Variants in AHCYL2 observed in about 807,000 individuals in gnomAD.
The protein encoded by AHCYL2 is S-adenosylhomocysteine hydrolase-like protein 2.
AHCYL2 carries 28 observed loss-of-function variants against 81.4 expected under a neutral mutation model. That is an observed-to-expected ratio of 0.34 (90% CI 0.25 to 0.47). The LOEUF (loss-of-function observed/expected upper bound fraction) is 0.47, where lower values mean the gene tolerates loss of function less well. Among genes scored for constraint, AHCYL2 ranks in the 20% least tolerant of loss-of-function variants. AHCYL2 has a pLI of 1.00. For synonymous variants in AHCYL2, 272 were observed against 290.2 expected (o/e 0.94, Z 0.64); for missense variants, 551 against 785.1 (o/e 0.70, Z 3.56).
chr7:129,401,052 A>G (rs1267803930), intron 6 of AHCYL2, among the ~76,000 whole-genome samples: 2 of 152,210 alleles, frequency 1.3e-5, no homozygotes, highest in African/African-American at 4.8e-5. Flanking sequence ...ACAAAGGGCC[A>G]GGTGTGGTGG....
intron 13 of AHCYL2, among the ~76,000 whole-genome samples, chr7:129,423,680 G>T (rs187084732): frequency 3.3e-4 from 50 of 151,310 alleles, no homozygotes; most frequent in Middle Eastern, 3.4e-3. Context: ...TTTTCAGTTG[G>T]TTTTTTTTCT....
chr7:129,226,100 C>T (rs778838920), intron 1 of AHCYL2, among the ~76,000 whole-genome samples: 10 of 152,172 alleles, frequency 6.6e-5, no homozygotes, highest in Non-Finnish European at 1.2e-4. Context: ...TAGTTGGTCA[C>T]CAGGATTATT....
chr7:129,255,427 C>G (rs949303101), intron 1 of AHCYL2, among the ~76,000 whole-genome samples: 1 of 152,038 alleles, frequency 6.6e-6, no homozygotes, highest in Non-Finnish European at 1.5e-5. Context: ...TGTGTGTTGA[C>G]AGTATATCTG....
intron 1 of AHCYL2, among the ~76,000 whole-genome samples, chr7:129,265,015 T>G (rs1391191262): frequency 2.6e-5 from 4 of 152,232 alleles, no homozygotes; most frequent in Admixed American, 1.3e-4. Context: ...CTTGAGTAAG[T>G]TATATACATG....
chr7:129,374,176 G>A (rs1165480205), intron 1 of AHCYL2, among the ~76,000 whole-genome samples: 1 of 152,108 alleles, frequency 6.6e-6, no homozygotes, highest in Non-Finnish European at 1.5e-5. Flanking sequence ...GTACACCTAG[G>A]ACTAGGACCT....
intron 1 of AHCYL2, among the ~76,000 whole-genome samples, chr7:129,281,308 A>G (rs186309903): frequency 6.6e-6 from 1 of 152,196 alleles, no homozygotes; most frequent in Admixed American, 6.5e-5. Flanking sequence ...GAGAGTTATT[A>G]GTATGCAATT....
intron 1 of AHCYL2, among the ~76,000 whole-genome samples, chr7:129,290,385 C>T (rs1028809347): frequency 1.3e-5 from 2 of 151,634 alleles, no homozygotes; most frequent in African/African-American, 4.9e-5. Flanking sequence ...CCTTTAGTCC[C>T]AGCTACTCGG....
At position 129,389,120 on chromosome 7, in the gene AHCYL2, T is replaced by G. The variant is rs1285767046; in HGVS notation, c.540T>G (p.Ser180=). ...TSPRDKQQKN[S]KGSSDFCVKN... ...CCAGGGACAAGCAGCAAAAGAACTC[T>G]AAGGGAAGCAGTGACTTCTGTGTTA... is the stretch of plus-strand genomic sequence containing the variant. Residue 180 remains serine, a synonymous_variant, in exon 3 of 17, where the codon TCT becomes TCG. Transcript: ENST00000325006. The G allele has an allele frequency of 8.1e-6, 13 of 1,613,966 alleles. No individual in the cohort carries two copies. The highest frequency in any genetic ancestry group is 1.1e-5 in the Non-Finnish European group (13 of 1,179,930).
chr7:129,396,247 C>T (rs1215882607), intron 4 of AHCYL2, among the ~76,000 whole-genome samples: 1 of 152,098 alleles, frequency 6.6e-6, no homozygotes, highest in Non-Finnish European at 1.5e-5. Context: ...CTCAGCCTCC[C>T]GAGTAGCTGG....
At chr7:129,231,994 C>T (rs1794460839) in intron 1 of AHCYL2, among the ~76,000 whole-genome samples, 1 of 151,434 alleles carries the variant, frequency 6.6e-6, no homozygotes, top group South Asian at 2.1e-4. Context: ...GCACCTAGTT[C>T]TTAGCTTAGA....
chr7:129,427,371 G>GC lies in AHCYL2; in HGVS notation c.*327dup. 4.3e-6 allele frequency: 1 copy of GC among 232,674 alleles called. No homozygotes were observed. The highest frequency in any genetic ancestry group is 8.3e-6 in the Non-Finnish European group (1 of 120,498). The allele number at this position is 232,674 out of a possible 1,614,324, so 14.4% of individuals were successfully genotyped here. On this transcript the variant is annotated 3_prime_UTR_variant, in exon 17 of 17. Coordinates refer to ENST00000325006, the MANE Select transcript of AHCYL2 (RefSeq NM_015328.4). This position sits in a 1 kb window ranked among gnomAD's most constrained non-coding sequence, Gnocchi z 5.5. ...AGTGGCCGTTTTTCCTCTTGTCCAG[G>GC]CTCACGAGTTAGTCCAGGGATTCCA...
At chr7:129,300,640 C>T (rs1797227613) in intron 1 of AHCYL2, among the ~76,000 whole-genome samples, 1 of 152,152 alleles carries the variant, frequency 6.6e-6, no homozygotes. Flanking sequence ...ATACTGACTT[C>T]CTTTCTTTTG....
chr7:129,346,374 T>C (rs1793361659), intron 1 of AHCYL2, among the ~76,000 whole-genome samples: 1 of 152,142 alleles, frequency 6.6e-6, no homozygotes, highest in African/African-American at 2.4e-5. Flanking sequence ...AGAGAAAATA[T>C]TTGCATAAGA....
chr7:129,276,944 A>T (rs945793561), intron 1 of AHCYL2, among the ~76,000 whole-genome samples: 1 of 152,168 alleles, frequency 6.6e-6, no homozygotes, highest in African/African-American at 2.4e-5. Context: ...ATGTATTATT[A>T]ACAAATCTAT....
intron 1 of AHCYL2, among the ~76,000 whole-genome samples, chr7:129,248,923 T>A: frequency 6.6e-6 from 1 of 152,166 alleles, no homozygotes; most frequent in East Asian, 1.9e-4. Context: ...TACTTTCAGA[T>A]TGTTTATTGC....
At chr7:129,251,681 C>T (rs1384258877) in intron 1 of AHCYL2, among the ~76,000 whole-genome samples, 1 of 152,110 alleles carries the variant, frequency 6.6e-6, no homozygotes, top group Non-Finnish European at 1.5e-5. Flanking sequence ...TGATTCCCAG[C>T]CTTATTCTCT....
intron 1 of AHCYL2, among the ~76,000 whole-genome samples, chr7:129,362,401 A>G (rs1793960850): frequency 6.6e-6 from 1 of 152,106 alleles, no homozygotes; most frequent in Non-Finnish European, 1.5e-5. Context: ...TGAGATAGGG[A>G]GAAGGGCTCA....
chr7:129,422,964 T>C, intron 13 of AHCYL2, 26 bp downstream of exon 13: 1 of 1,605,092 alleles, frequency 6.2e-7, no homozygotes, highest in Non-Finnish European at 8.5e-7. Flanking sequence ...GCAAAAATAC[T>C]CCCCCACAAC....
At chr7:129,281,028 T>A (rs1045206278) in intron 1 of AHCYL2, among the ~76,000 whole-genome samples, 3 of 152,004 alleles carry the variant, frequency 2.0e-5, no homozygotes, top group African/African-American at 7.3e-5. Context: ...CATGCCTGGC[T>A]AATTTTTTGT....
Sources: gnomAD v4.1 joint callset for allele counts (sites outside exome capture counted in the v4.1 genomes callset) on GRCh38, gnomAD v4.1.1 for gene constraint, Gnocchi (gnomAD v3.1) non-coding constraint, MANE v1.5 for transcripts, NCBI Gene and HGNC (gene_info 2026-07-23, HGNC 2026-07-21) for gene names.